AKAP12: variants seen among roughly 807,000 people sequenced by gnomAD.
AKAP12 encodes A-kinase anchor protein 12.
A neutral mutation model predicts 79.9 loss-of-function variants in AKAP12; 32 were observed. The observed-to-expected ratio is 0.40, with a 90% CI of 0.30 to 0.54. The LOEUF (loss-of-function observed/expected upper bound fraction) is 0.54, where lower values mean the gene tolerates loss of function less well. Ranked by LOEUF, AKAP12 falls within the 20% of genes least tolerant of loss-of-function variation. AKAP12 has a pLI of 0.48. For missense variants in AKAP12, 2,074 were observed against 2,177.0 expected, an observed-to-expected ratio of 0.95 and a Z score of 0.94; for synonymous variants, 808 against 857.0, an observed-to-expected ratio of 0.94 and a Z score of 1.00.
At chr6:151,341,138 G>A (rs562913626) in intron 3 of AKAP12, among the ~76,000 whole-genome samples, 51 of 149,114 alleles carry the variant, frequency 3.4e-4, no homozygotes, top group African/African-American at 1.1e-3. Context: ...TGCAACCTCC[G>A]CCTCCCTGGT....
chr6:151,294,346 G>A (rs766536368), intron 2 of AKAP12, among the ~76,000 whole-genome samples: 5 of 152,184 alleles, frequency 3.3e-5, no homozygotes, highest in Non-Finnish European at 7.3e-5. Flanking sequence ...CCACCTCAGG[G>A]GAGGTGCACA....
intron 2 of AKAP12, among the ~76,000 whole-genome samples, chr6:151,260,161 T>C (rs1341820734): frequency 6.6e-6 from 1 of 152,228 alleles, no homozygotes; most frequent in Admixed American, 6.5e-5. Context: ...GCTTATTAGG[T>C]ACCAAGCAGT....
At chr6:151,311,854 A>G (rs1373126919) in intron 3 of AKAP12, among the ~76,000 whole-genome samples, 1 of 152,180 alleles carries the variant, frequency 6.6e-6, no homozygotes, top group African/African-American at 2.4e-5. Context: ...TTCTGAGTTA[A>G]AAGTCGTTCT....
At chr6:151,275,613 A>C (rs1776277294) in intron 2 of AKAP12, among the ~76,000 whole-genome samples, 1 of 152,144 alleles carries the variant, frequency 6.6e-6, no homozygotes, top group Non-Finnish European at 1.5e-5. Flanking sequence ...TTTTTATCAG[A>C]ATACTTTAAT....
intron 3 of AKAP12, among the ~76,000 whole-genome samples, chr6:151,343,719 G>T (rs1778008606): frequency 6.6e-6 from 1 of 152,164 alleles, no homozygotes; most frequent in African/African-American, 2.4e-5. Flanking sequence ...AGGAGGCGGA[G>T]GTTGCAGTGA....
At chr6:151,314,941 A>G (rs1189501593) in intron 3 of AKAP12, among the ~76,000 whole-genome samples, 1 of 151,896 alleles carries the variant, frequency 6.6e-6, no homozygotes, top group Non-Finnish European at 1.5e-5. Context: ...AGTCCCAGCT[A>G]TTCGGGAGGC....
intron 3 of AKAP12, among the ~76,000 whole-genome samples, chr6:151,345,563 G>A (rs570811640): frequency 2.8e-4 from 43 of 151,336 alleles, no homozygotes; most frequent in East Asian, 7.9e-4. Context: ...GGGAGGCTGA[G>A]GTGGGCGGAT....
intron 3 of AKAP12, among the ~76,000 whole-genome samples, chr6:151,318,049 C>A (rs960044739): frequency 6.6e-6 from 1 of 152,186 alleles, no homozygotes; most frequent in African/African-American, 2.4e-5. Flanking sequence ...TCCCCCTAAA[C>A]GTACATGTCG....
chr6:151,245,317 G>GAA (rs67833026), intron 2 of AKAP12, among the ~76,000 whole-genome samples: 52 of 142,918 alleles, frequency 3.6e-4, no homozygotes, highest in African/African-American at 8.1e-4. Context: ...TTTATCTCTT[G>GAA]AAAAAAAAAA....
intron 2 of AKAP12, among the ~76,000 whole-genome samples, chr6:151,297,955 A>G (rs1176620454): frequency 6.6e-6 from 1 of 152,146 alleles, no homozygotes; most frequent in Non-Finnish European, 1.5e-5. Flanking sequence ...GTGCTTTTCT[A>G]TTTAGAAAGA....
At position 151,304,438 on chromosome 6, in the gene AKAP12, G is replaced by A. The variant is rs570128448; in HGVS notation, c.163-1309G>A. 9.4e-5 allele frequency among the ~76,000 whole-genome samples: 11 copies of A among 117,238 alleles called. No homozygotes were observed. The Middle Eastern group carries it at 0.028, about 296-fold the overall frequency. 76.9% of individuals were successfully genotyped at this position (117,238 alleles called of 152,430 possible). On this transcript the variant is annotated intron_variant, in intron 2 of 4. Transcript: ENST00000402676. The stretch of plus-strand genomic sequence containing the variant: ...TGGGAACTGGAGGTTGCAGTGAACC[G>A]AGATCACGCCACTGCACTTCAGCCT...
chr6:151,351,338 G>A lies in AKAP12; in HGVS notation c.2947G>A (p.Gly983Arg). 6.2e-7 allele frequency: 1 copy of A among 1,614,254 alleles called. No homozygotes were observed. The highest frequency in any genetic ancestry group is 1.3e-5 in the African/African-American group (1 of 75,064). The change falls in exon 4 of 5, where the codon GGG (glycine) becomes AGG (arginine). Residue 983 changes from glycine (G) to arginine (R), a missense_variant. Physicochemically the swap from Gly to Arg is moderately radical, Grantham distance 125. Around this residue, in one of 3 missense-constraint regions of AKAP12, gnomAD observed 1,428 missense variants for 1,451.0 expected, o/e 0.98. Coordinates refer to ENST00000402676, the MANE Select transcript of AKAP12 (RefSeq NM_005100.4). The surrounding 1 kb of genome is among the most constrained non-coding windows in gnomAD (Gnocchi z 4.4). ...PEAVTAAETA[G>R]PLGAEEGTEA... The stretch of plus-strand genomic sequence containing the variant: ...AGCTGTGACAGCTGCAGAAACTGCA[G>A]GGCCATTGGGTGCCGAAGAAGGAAC...
rs1796950965 is a variant in AKAP12, at chr6:151,240,566, G to A, written c.4G>A (p.Gly2Ser). M[G>S]AGSSTEQRSP... ...GCGGGAGAAGTGCGGAGGAGCCATG[G>A]GCGCCGGGAGCTCCACCGAGCAGCG... Residue 2 changes from glycine (G) to serine (S), a missense_variant, in exon 2 of 5, where the codon GGC becomes AGC. Gly to Ser is a moderately conservative substitution (Grantham distance 56). Around this residue, in one of 3 missense-constraint regions of AKAP12, gnomAD observed 1,428 missense variants for 1,451.0 expected, o/e 0.98. Transcript: ENST00000402676. 4.1e-5 allele frequency: 59 copies of A among 1,443,880 alleles called. No homozygotes were observed. Among genetic ancestry groups the A allele is most frequent in the Non-Finnish European group, 5.1e-5 (56 of 1,104,896 alleles). 89.4% of individuals were successfully genotyped at this position (1,443,880 alleles called of 1,614,324 possible).
chr6:151,297,019 G>GTTTT lies in AKAP12; in HGVS notation c.163-8714_163-8711dup, dbSNP rs36046672. Among the ~76,000 whole-genome samples, 354 of 127,646 alleles carry GTTTT rather than the reference G, an allele frequency of 2.8e-3. 7 individuals carry two copies. The highest frequency in any genetic ancestry group is 9.1e-3 in the African/African-American group (320 of 35,052). 83.7% of individuals were successfully genotyped at this position (127,646 alleles called of 152,430 possible). A position where few individuals can be genotyped will look rare whatever the true frequency, so the allele number is the denominator to read the frequency against. Reference sequence around the variant, plus strand: ...TGTATGCCTAGGTTGAAATAAAAGGGTTTTTTTTTTTTTTTTTGCCAGTCT... The same window carrying GTTTT: ...TGTATGCCTAGGTTGAAATAAAAGGGTTTTTTTTTTTTTTTTTTTTTGCCAGTCT... On this transcript the variant is annotated intron_variant, in intron 2 of 4. Coordinates refer to ENST00000402676, the MANE Select transcript of AKAP12 (RefSeq NM_005100.4).
intron 3 of AKAP12, among the ~76,000 whole-genome samples, chr6:151,330,652 G>A (rs1239776496): frequency 2.0e-5 from 3 of 151,932 alleles, no homozygotes; most frequent in Non-Finnish European, 4.4e-5. Context: ...TGATGGTGCT[G>A]GTGTCACTGA....
At position 151,348,760 on chromosome 6, in the gene AKAP12, G is replaced by A. The variant is rs1213510783; in HGVS notation, c.369G>A (p.Glu123=). ...TGAGCAAAAGAGACTCCGATAAAGA[G>A]ATGGCTACTAAGTCAGCGGTTGTTC... The part of the protein sequence containing the change: ...EDVSKRDSDK[E]MATKSAVVHD... The change falls in exon 4 of 5, where the codon GAG becomes GAA. Residue 123 remains glutamate, a synonymous_variant. Coordinates refer to ENST00000402676, the MANE Select transcript of AKAP12 (RefSeq NM_005100.4). 8.6e-6 allele frequency: 12 copies of A among 1,388,496 alleles called. No homozygotes were observed. The highest frequency in any genetic ancestry group is 1.1e-5 in the Non-Finnish European group (12 of 1,046,042). 86.0% of individuals were successfully genotyped at this position (1,388,496 alleles called of 1,614,324 possible).
At chr6:151,245,421 G>A (rs754657041) in intron 2 of AKAP12, among the ~76,000 whole-genome samples, 2 of 151,150 alleles carry the variant, frequency 1.3e-5, no homozygotes, top group South Asian at 4.2e-4. Context: ...TCAGCTTTCC[G>A]AGTCGCTGGG....
At chr6:151,317,326 C>G (rs1777259736) in intron 3 of AKAP12, among the ~76,000 whole-genome samples, 1 of 152,206 alleles carries the variant, frequency 6.6e-6, no homozygotes, top group Admixed American at 6.5e-5. Flanking sequence ...CCTTGTGGAA[C>G]TACAGAGAAT....
chr6:151,259,823 T>C (rs1797383570), intron 2 of AKAP12, among the ~76,000 whole-genome samples: 1 of 151,856 alleles, frequency 6.6e-6, no homozygotes, highest in African/African-American at 2.4e-5. Context: ...GTGATCCACC[T>C]GCCTCAGCCT....
Sources: allele counts gnomAD v4.1 joint callset (sites outside exome capture counted in the v4.1 genomes callset), GRCh38; gene constraint gnomAD v4.1.1; regional missense constraint gnomAD v4.1.1; non-coding constraint Gnocchi (gnomAD v3.1); transcripts MANE v1.5; gene names NCBI Gene and HGNC (gene_info 2026-07-23, HGNC 2026-07-21).